HELB: variants seen among roughly 807,000 people sequenced by gnomAD.
The protein encoded by HELB is DNA 5'-3' helicase B.
HELB carries 96 observed loss-of-function variants against 101.7 expected under a neutral mutation model. The ratio of observed to expected loss-of-function variants is 0.94; its 90% CI spans 0.80 to 1.12. The LOEUF is 1.12. Ranked by LOEUF, HELB falls within the 50% of genes most tolerant of loss-of-function variation. The probability of loss-of-function intolerance (pLI) is 0.00; values close to 1 mark genes in which losing one functional copy is unlikely to be tolerated. For missense variants in HELB, 1,210 were observed against 1,291.9 expected, an observed-to-expected ratio of 0.94 and a Z score of 0.97; for synonymous variants, 437 against 459.7, an observed-to-expected ratio of 0.95 and a Z score of 0.63.
intron 12 of HELB, among the ~76,000 whole-genome samples, chr12:66,336,426 C>G (rs184679310): frequency 6.6e-6 from 1 of 152,104 alleles, no homozygotes. Context: ...TAAGTAATTT[C>G]CAAATGTGGT....
At chr12:66,321,797 A>G (rs2053673690) in intron 7 of HELB, 151 bp from the exon 8 acceptor site, 2 of 521,908 alleles carry the variant, frequency 3.8e-6, no homozygotes, top group Non-Finnish European at 6.9e-6. Context: ...GATGTGGGGA[A>G]TGAGGTTGAC....
chr12:66,338,249 C>T (rs1334815974), downstream of HELB: 1 of 629,410 alleles, frequency 1.6e-6, no homozygotes, highest in East Asian at 2.8e-5. Flanking sequence ...TCCATTTCAT[C>T]AAAGTATTAA....
intron 4 of HELB, among the ~76,000 whole-genome samples, chr12:66,312,717 A>G (rs1160424363): frequency 6.6e-6 from 1 of 152,228 alleles, no homozygotes; most frequent in Non-Finnish European, 1.5e-5. Flanking sequence ...GAGAGAGTGC[A>G]AGAGCACGGA....
In HELB at chr12:66,310,376, C is replaced by T; in HGVS notation, c.1448C>T (p.Thr483Ile). Residue 483 changes from threonine (T) to isoleucine (I), a missense_variant, in exon 4 of 13, where the codon ACA (threonine) becomes ATA (isoleucine). Coordinates refer to ENST00000247815, the MANE Select transcript of HELB (RefSeq NM_001370285.1). ...GGGAAAGGTGGATGTGGGAAGACCA[C>T]AATCGTTAGCCGTCTTTTTAAGCAT... ...ISGKGGCGKT[T>I]IVSRLFKHIE... 1 of 1,614,146 alleles carries T rather than the reference C, an allele frequency of 6.2e-7. No homozygotes were observed. The highest frequency in any genetic ancestry group is 1.1e-5 in the South Asian group (1 of 91,084).
intron 6 of HELB, among the ~76,000 whole-genome samples, chr12:66,317,211 G>A (rs1022255259): frequency 6.6e-6 from 1 of 151,364 alleles, no homozygotes; most frequent in South Asian, 2.1e-4. Flanking sequence ...AAAAAAAATT[G>A]TAAAAAATAT....
intron 6 of HELB, among the ~76,000 whole-genome samples, chr12:66,316,244 T>C (rs1565638964): frequency 6.6e-6 from 1 of 152,164 alleles, no homozygotes; most frequent in Non-Finnish European, 1.5e-5. Flanking sequence ...AAGTACACTC[T>C]ATGCTATTCA....
intron 4 of HELB, among the ~76,000 whole-genome samples, chr12:66,312,441 C>G (rs1024764140): frequency 6.6e-6 from 1 of 152,158 alleles, no homozygotes; most frequent in Non-Finnish European, 1.5e-5. Context: ...TTGCCTGTTA[C>G]CTTTATTTAT....
At chr12:66,329,238 A>G (rs927748978) in intron 11 of HELB, among the ~76,000 whole-genome samples, 4 of 152,210 alleles carry the variant, frequency 2.6e-5, no homozygotes, top group African/African-American at 9.6e-5. Flanking sequence ...GCAGAATTCC[A>G]GGGACAGCAG....
intron 4 of HELB, among the ~76,000 whole-genome samples, chr12:66,311,802 G>C (rs956443352): frequency 4.6e-5 from 7 of 152,132 alleles, no homozygotes; most frequent in African/African-American, 2.4e-5. Context: ...GTAAAGAGTT[G>C]GAGAGGTTCC....
In HELB at chr12:66,338,005, G is replaced by C. The variant is rs772954417; in HGVS notation, c.3167G>C (p.Gly1056Ala). 1 of 1,565,486 alleles carries C rather than the reference G, an allele frequency of 6.4e-7. No individual in the cohort carries two copies. Among genetic ancestry groups the C allele is most frequent in the South Asian group, 1.1e-5 (1 of 89,350 alleles). The change falls in exon 13 of 13, where the codon GGA (glycine) becomes GCA (alanine). Residue 1056 changes from glycine to alanine, a missense_variant. Gly to Ala is a moderately conservative substitution (Grantham distance 60). This residue lies in a region of HELB where 740 missense variants were observed against 728.8 expected (regional missense o/e 1.02). Coordinates refer to ENST00000247815, the MANE Select transcript of HELB (RefSeq NM_001370285.1). ...TTATTTTAATTGTTCTAACAGGTGG[G>C]AGAATCTCCACAAGTGTCTTCCAGA... ...DESPSKIFMV[G>A]ESPQVSSRLQ... is the part of the protein sequence containing the mutation.
intron 12 of HELB, among the ~76,000 whole-genome samples, chr12:66,335,958 C>T (rs1331126519): frequency 6.6e-6 from 1 of 152,136 alleles, no homozygotes; most frequent in Admixed American, 6.6e-5. Flanking sequence ...GGCACACACC[C>T]CTTCTGTACT....
Position 66,304,880 on chromosome 12 carries a change from T to C in HELB, c.337T>C (p.Phe113Leu). ...QYQVQGFPSY[F>L]LQSDMSPPNQ... ...TCAAGTTCAAGGATTTCCGTCTTACTTTTTGCAGTCTGATATGTCACCACC... is the reference window on the plus strand; with the variant it reads ...TCAAGTTCAAGGATTTCCGTCTTACCTTTTGCAGTCTGATATGTCACCACC... The change falls in exon 2 of 13, where the codon TTT (phenylalanine) becomes CTT (leucine). Residue 113 changes from phenylalanine to leucine, a missense_variant. Physicochemically the swap from Phe to Leu is conservative, Grantham distance 22 (BLOSUM62 0). This residue lies in a region of HELB where 470 missense variants were observed against 563.1 expected (regional missense o/e 0.83). Coordinates refer to ENST00000247815, the MANE Select transcript of HELB (RefSeq NM_001370285.1). 1 of 1,614,210 alleles carries C rather than the reference T, an allele frequency of 6.2e-7. No individual in the cohort carries two copies.
Position 66,310,599 on chromosome 12 carries a change from A to G in HELB, c.1671A>G (p.Thr557=). 6.2e-7 allele frequency: 1 copy of G among 1,609,640 alleles called. No homozygotes were observed. The highest frequency in any genetic ancestry group is 8.5e-7 in the Non-Finnish European group (1 of 1,178,584). ...AGAAAACTGGTCTTCATGCCTACAC[A>G]CTGTGTCAGGTAAAACCTTTGACAT... The part of the protein sequence containing the change: ...LRQKTGLHAY[T]LCQVNYSFYS... Residue 557 remains threonine, a synonymous_variant, in exon 4 of 13, where the codon ACA becomes ACG. Coordinates refer to ENST00000247815, the MANE Select transcript of HELB (RefSeq NM_001370285.1).
intron 4 of HELB, among the ~76,000 whole-genome samples, chr12:66,311,196 C>T (rs978719284): frequency 2.0e-5 from 3 of 151,264 alleles, no homozygotes; most frequent in Non-Finnish European, 4.4e-5. Context: ...TGCTGTGGTT[C>T]CTGTCTGTAA....
At chr12:66,302,977 A>G (rs1179183162) in intron 1 of HELB, among the ~76,000 whole-genome samples, 187 bp downstream of exon 1, 1 of 149,006 alleles carries the variant, frequency 6.7e-6, no homozygotes, top group Admixed American at 6.7e-5. Context: ...CTGGACACAT[A>G]CTATGTGGTT....
chr12:66,322,806 A>G, intron 9 of HELB, 23 bp downstream of exon 9: 1 of 1,520,886 alleles, frequency 6.6e-7, no homozygotes, highest in Non-Finnish European at 9.0e-7. Flanking sequence ...GAGAACTGAA[A>G]CTTTTAAGGA....
At chr12:66,341,119 C>T (rs2053915237), downstream of HELB, 2 of 152,560 alleles carry the variant, frequency 1.3e-5, no homozygotes, top group African/African-American at 2.4e-5. Flanking sequence ...AGCCTCAAAA[C>T]CAGGGACGCT....
At position 66,310,019 on chromosome 12, in the gene HELB, C is replaced by G. The variant is rs2053522650; in HGVS notation, c.1091C>G (p.Ala364Gly). The G allele has an allele frequency of 2.5e-6, 4 of 1,614,142 alleles. No individual in the cohort carries two copies. The highest frequency in any genetic ancestry group is 3.4e-6 in the Non-Finnish European group (4 of 1,180,042). The part of the protein sequence containing the change: ...YDLYHAERAI[A>G]FSICDLMKKP... ...CTTTACCATGCTGAAAGAGCCATCG[C>G]CTTTTCAATTTGTGACCTGATGAAG... Residue 364 changes from alanine (A) to glycine (G), a missense_variant, in exon 4 of 13, where the codon GCC (alanine) becomes GGC (glycine). This residue lies in a region of HELB where 470 missense variants were observed against 563.1 expected (regional missense o/e 0.83). Transcript: ENST00000247815.
chr12:66,324,975 GGTGACAGGAT>G lies in HELB; in HGVS notation c.2527-5_2531del. On this transcript the variant is annotated splice_acceptor_variant and splice_polypyrimidine_tract_variant and coding_sequence_variant and intron_variant, in exon 11 of 13. Coordinates refer to ENST00000247815, the MANE Select transcript of HELB (RefSeq NM_001370285.1). LOFTEE classifies it high-confidence loss of function. ...GGTATGCAAAATAGTTCTTTGGTTT[GGTGACAGGAT>G]GTAACTGATGTAACTTTTGGAAAGA... 1 of 1,612,034 alleles carries G rather than the reference GGTGACAGGAT, an allele frequency of 6.2e-7. No homozygotes were observed. Among genetic ancestry groups the G allele is most frequent in the Non-Finnish European group, 8.5e-7 (1 of 1,178,388 alleles).
Sources: allele counts gnomAD v4.1 joint callset (sites outside exome capture counted in the v4.1 genomes callset), GRCh38; gene constraint gnomAD v4.1.1; regional missense constraint gnomAD v4.1.1; transcripts MANE v1.5; gene names NCBI Gene and HGNC (gene_info 2026-07-23, HGNC 2026-07-21).